The following VPS13B variants were observed in gnomAD, a reference collection of about 807,000 sequenced individuals.
The protein encoded by VPS13B is vacuolar protein sorting 13 homolog B, also known as intermembrane lipid transfer protein VPS13B.
A neutral mutation model predicts 426.4 loss-of-function variants in VPS13B; 285 were observed. The ratio of observed to expected loss-of-function variants is 0.67; its 90% CI spans 0.61 to 0.74. VPS13B has a LOEUF of 0.74. Ranked by LOEUF, VPS13B falls within the 30% of genes least tolerant of loss-of-function variation. The pLI, the probability that VPS13B is intolerant of heterozygous loss-of-function variation, is 0.00. For synonymous variants in VPS13B, 1,676 were observed against 1,676.4 expected (o/e 1.00, Z 0.01); for missense variants, 4,537 against 4,782.6 (o/e 0.95, Z 1.51).
chr8:99,688,145 T>C (rs866885461), intron 35 of VPS13B, among the ~76,000 whole-genome samples: 2 of 151,200 alleles, frequency 1.3e-5, no homozygotes, highest in South Asian at 2.1e-4. Context: ...TTTTTTTTTT[T>C]TTTTTTTTAT....
intron 33 of VPS13B, among the ~76,000 whole-genome samples, chr8:99,591,751 G>T (rs942952920): frequency 6.6e-6 from 1 of 152,110 alleles, no homozygotes; most frequent in Non-Finnish European, 1.5e-5. Flanking sequence ...CGCTTTGTGG[G>T]TAACCCGACC....
At chr8:99,561,723 C>A (rs530058144) in intron 31 of VPS13B, among the ~76,000 whole-genome samples, 2 of 152,304 alleles carry the variant, frequency 1.3e-5, no homozygotes, top group East Asian at 3.9e-4. Flanking sequence ...TAAATACATT[C>A]TTGACTTATG....
intron 19 of VPS13B, chr8:99,346,621 AT>A (rs1483946747): frequency 1.8e-5 from 3 of 163,734 alleles, no homozygotes; most frequent in African/African-American, 7.2e-5. Context: ...TTTTGTAAGG[AT>A]ATGTGAATCT....
At chr8:99,668,045 T>G (rs1429042503) in intron 35 of VPS13B, among the ~76,000 whole-genome samples, 3 of 152,184 alleles carry the variant, frequency 2.0e-5, no homozygotes, top group Non-Finnish European at 2.9e-5. Context: ...TGACATTGTG[T>G]TATCATTAGA....
intron 43 of VPS13B, among the ~76,000 whole-genome samples, chr8:99,801,485 A>G (rs746511338): frequency 2.8e-4 from 42 of 152,180 alleles, no homozygotes; most frequent in Non-Finnish European, 2.1e-4. Flanking sequence ...AATTTTGTGC[A>G]GAAAGAACTA....
At position 99,565,806 on chromosome 8, in the gene VPS13B, C is replaced by T. The variant is rs112613285; in HGVS notation, c.4949+9153C>T. On this transcript the variant is annotated intron_variant, in intron 31 of 61. Transcript: ENST00000357162. ...CTTTTATCTTACTAATTTGTGAGGA[C>T]GTCAAGCTAAGACCTAAGCAAAATT... Among the ~76,000 whole-genome samples the T allele has an allele frequency of 6.7e-4, 102 of 152,166 alleles. 1 individual carries two copies. The South Asian group carries it at 9.1e-3, about 14-fold the overall frequency.
At chr8:99,044,497 T>C (rs1587955648) in intron 3 of VPS13B, among the ~76,000 whole-genome samples, 1 of 152,130 alleles carries the variant, frequency 6.6e-6, no homozygotes, top group African/African-American at 2.4e-5. Flanking sequence ...TATTTATCTT[T>C]TAAATTTTTT....
At position 99,875,617 on chromosome 8, in the gene VPS13B, G is replaced by A. The variant is rs1370500777; in HGVS notation, c.11945G>A (p.Ser3982Asn). Residue 3982 changes from serine to asparagine, a missense_variant, in exon 62 of 62, where the codon AGT (serine) becomes AAT (asparagine). This residue lies in a region of VPS13B where 4,311 missense variants were observed against 4,474.3 expected (regional missense o/e 0.96). Coordinates refer to ENST00000357162, the MANE Select transcript of VPS13B (RefSeq NM_152564.5). ...CCACATTTTGCTCAGGTCTTCCTTA[G>A]TAAATTTACCATGGTGAAAAATAAA... ...VDPHFAQVFL[S>N]KFTMVKNKAL... 1 of 1,614,022 alleles carries A rather than the reference G, an allele frequency of 6.2e-7. No homozygotes were observed. Among genetic ancestry groups the A allele is most frequent in the Non-Finnish European group, 8.5e-7 (1 of 1,180,016 alleles).
intron 21 of VPS13B, among the ~76,000 whole-genome samples, chr8:99,417,729 C>T (rs962210991): frequency 4.3e-4 from 65 of 152,084 alleles, no homozygotes; most frequent in African/African-American, 1.6e-3. Context: ...CTCTTTCTCA[C>T]TCACTTTCTC....
intron 21 of VPS13B, among the ~76,000 whole-genome samples, chr8:99,410,469 C>T (rs1815573673): frequency 6.6e-6 from 1 of 152,072 alleles, no homozygotes; most frequent in African/African-American, 2.4e-5. Context: ...CTCCATGTTA[C>T]CTCCTTTGTG....
At chr8:99,548,427 A>G (rs763522957) in intron 30 of VPS13B, among the ~76,000 whole-genome samples, 27 of 152,006 alleles carry the variant, frequency 1.8e-4, no homozygotes, top group Non-Finnish European at 2.4e-4. Flanking sequence ...CTTTAAAAAA[A>G]CTCTAGTGAG....
chr8:99,506,414 G>A (rs966309451), intron 27 of VPS13B, among the ~76,000 whole-genome samples: 1 of 152,044 alleles, frequency 6.6e-6, no homozygotes, highest in Admixed American at 6.5e-5. Flanking sequence ...TGAATATTAC[G>A]TATTATGTTG....
intron 33 of VPS13B, among the ~76,000 whole-genome samples, chr8:99,640,063 A>AGAAGAAG (rs1233008721): frequency 9.7e-6 from 1 of 103,046 alleles, no homozygotes; most frequent in African/African-American, 3.7e-5. Context: ...AAAGAAAAGA[A>AGAAGAAG]AAGAAAAGAA....
At chr8:99,250,342 T>C (rs1257214292) in intron 17 of VPS13B, among the ~76,000 whole-genome samples, 3 of 152,178 alleles carry the variant, frequency 2.0e-5, no homozygotes, top group African/African-American at 7.2e-5. Context: ...GCAGGGTCTT[T>C]TGCAAAGTAA....
intron 17 of VPS13B, among the ~76,000 whole-genome samples, chr8:99,220,329 A>G (rs914049770): frequency 6.6e-6 from 1 of 152,218 alleles, no homozygotes; most frequent in Admixed American, 6.5e-5. Flanking sequence ...TAGCAAATAC[A>G]TATTACTCTC....
chr8:99,595,698 A>C (rs1826973894), intron 33 of VPS13B, among the ~76,000 whole-genome samples: 1 of 151,792 alleles, frequency 6.6e-6, no homozygotes, highest in Non-Finnish European at 1.5e-5. Context: ...CCATAGAATC[A>C]GAGAAAATAT....
At chr8:99,755,904 T>C (rs934635864) in intron 39 of VPS13B, among the ~76,000 whole-genome samples, 1 of 151,926 alleles carries the variant, frequency 6.6e-6, no homozygotes, top group Non-Finnish European at 1.5e-5. Context: ...AAATCTTATA[T>C]CATTAAAAAT....
intron 35 of VPS13B, chr8:99,696,280 G>A (rs1831997408): frequency 4.8e-6 from 1 of 208,616 alleles, no homozygotes; most frequent in African/African-American, 2.3e-5. Flanking sequence ...GCGGCCAAGT[G>A]TACACCCCCA....
chr8:99,376,430 T>C (rs1307771798), intron 19 of VPS13B, among the ~76,000 whole-genome samples: 1 of 152,202 alleles, frequency 6.6e-6, no homozygotes, highest in Non-Finnish European at 1.5e-5. Context: ...ATAACATTCG[T>C]AAATTTTAAG....
Sources: allele counts gnomAD v4.1 joint callset (sites outside exome capture counted in the v4.1 genomes callset), GRCh38; gene constraint gnomAD v4.1.1; regional missense constraint gnomAD v4.1.1; transcripts MANE v1.5; gene names NCBI Gene and HGNC (gene_info 2026-07-23, HGNC 2026-07-21).